CADPS2: variants seen among roughly 807,000 people sequenced by gnomAD.
The protein encoded by CADPS2 is calcium-dependent secretion activator 2.
Under a neutral mutation model 172.5 loss-of-function variants are expected in CADPS2, and 93 were observed. That is an observed-to-expected ratio of 0.54 (90% CI 0.46 to 0.64). CADPS2 has a LOEUF of 0.64. Ranked by LOEUF, CADPS2 falls within the 30% of genes least tolerant of loss-of-function variation. The pLI, the probability that CADPS2 is intolerant of heterozygous loss-of-function variation, is 0.00. For synonymous variants in CADPS2, 546 were observed against 555.2 expected (o/e 0.98, Z 0.23); for missense variants, 1,420 against 1,565.9 (o/e 0.91, Z 1.57).
intron 17 of CADPS2, among the ~76,000 whole-genome samples, chr7:122,421,339 T>C (rs1411008443): frequency 6.6e-6 from 1 of 152,196 alleles, no homozygotes. Flanking sequence ...AATGAGCTGA[T>C]TGTATCTGTA....
chr7:122,587,698 T>C (rs1436652476), intron 6 of CADPS2, among the ~76,000 whole-genome samples: 1 of 152,110 alleles, frequency 6.6e-6, no homozygotes, highest in Admixed American at 6.6e-5. Context: ...AATATATGTG[T>C]GCATGTATCT....
chr7:122,490,086 T>C lies in CADPS2; in HGVS notation c.1847A>G (p.Gln616Arg). 1 of 1,613,116 alleles carries C rather than the reference T, an allele frequency of 6.2e-7. No homozygotes were observed. Among genetic ancestry groups the C allele is most frequent in the Non-Finnish European group, 8.5e-7 (1 of 1,179,338 alleles). ...TATTTTTTAACAAAACTTACAAAGC[T>C]GAGCATCTGCATGGAGAGTTCCTCC... ...PKGGTLHADA[Q>R]LSGKDADRFQ... is the part of the protein sequence containing the mutation. Residue 616 changes from glutamine (Q) to arginine (R), a missense_variant, in exon 11 of 30, where the codon CAG becomes CGG. Coordinates refer to ENST00000449022, the MANE Select transcript of CADPS2 (RefSeq NM_017954.11).
chr7:122,788,404 C>T (rs560156148), intron 1 of CADPS2, among the ~76,000 whole-genome samples: 1 of 152,312 alleles, frequency 6.6e-6, no homozygotes, highest in African/African-American at 2.4e-5. Context: ...TTTCACATCA[C>T]TCTTAACTTT....
intron 8 of CADPS2, among the ~76,000 whole-genome samples, chr7:122,546,503 G>A (rs940044785): frequency 1.3e-5 from 2 of 152,064 alleles, no homozygotes; most frequent in Non-Finnish European, 2.9e-5. Flanking sequence ...CCTATCCTTT[G>A]CTATGTTCCA....
At chr7:122,683,378 G>A (rs2083270315) in intron 2 of CADPS2, among the ~76,000 whole-genome samples, 1 of 152,096 alleles carries the variant, frequency 6.6e-6, no homozygotes, top group Admixed American at 6.5e-5. Flanking sequence ...ACATTTGGGT[G>A]GGAAAACCAA....
chr7:122,661,211 T>C (rs565570253), intron 3 of CADPS2, among the ~76,000 whole-genome samples: 1 of 152,126 alleles, frequency 6.6e-6, no homozygotes, highest in Non-Finnish European at 1.5e-5. Context: ...AGACAAATAC[T>C]GATAGAACTG....
chr7:122,698,271 T>C lies in CADPS2; in HGVS notation c.454-34702A>G, dbSNP rs561997064. Reference sequence around the variant, plus strand: ...GCTGCCATCTCCGGTTCTGAATCCTTGCTAAACAAAGTCTATGAATGTGAT... The same window carrying C: ...GCTGCCATCTCCGGTTCTGAATCCTCGCTAAACAAAGTCTATGAATGTGAT... On this transcript the variant is annotated intron_variant, in intron 2 of 29. Transcript: ENST00000449022. 5 of 1,614,068 alleles carry C rather than the reference T, an allele frequency of 3.1e-6. No individual in the cohort carries two copies. In the East Asian group the frequency reaches 8.9e-5, roughly 29 times the overall value.
At chr7:122,775,551 T>G (rs1178418801) in intron 1 of CADPS2, among the ~76,000 whole-genome samples, 1 of 152,224 alleles carries the variant, frequency 6.6e-6, no homozygotes, top group African/African-American at 2.4e-5. Flanking sequence ...ACATATTTAT[T>G]TGGTACCCTG....
intron 28 of CADPS2, among the ~76,000 whole-genome samples, chr7:122,342,864 A>C (rs950441700): frequency 1.3e-5 from 2 of 152,166 alleles, no homozygotes; most frequent in African/African-American, 4.8e-5. Flanking sequence ...TTTTCTCTTC[A>C]ATCTTTTATC....
chr7:122,717,694 T>C (rs2089810716), intron 2 of CADPS2, among the ~76,000 whole-genome samples: 1 of 152,174 alleles, frequency 6.6e-6, no homozygotes, highest in Admixed American at 6.6e-5. Flanking sequence ...GGGCCTTAAA[T>C]TTATAAATGC....
At chr7:122,444,221 G>C (rs1246303398) in intron 15 of CADPS2, among the ~76,000 whole-genome samples, 1 of 152,046 alleles carries the variant, frequency 6.6e-6, no homozygotes, top group African/African-American at 2.4e-5. Flanking sequence ...CCTTGCTGAT[G>C]GCCATTTGGC....
chr7:122,344,642 G>A (rs2037299027), intron 28 of CADPS2, among the ~76,000 whole-genome samples: 1 of 152,112 alleles, frequency 6.6e-6, no homozygotes, highest in African/African-American at 2.4e-5. Flanking sequence ...CAGCTTATTT[G>A]TTTGTTTAAC....
At chr7:122,522,839 C>T (rs1404922480) in intron 8 of CADPS2, among the ~76,000 whole-genome samples, 1 of 151,874 alleles carries the variant, frequency 6.6e-6, no homozygotes, top group African/African-American at 2.4e-5. Flanking sequence ...TCTTTCTATG[C>T]CTGGCTTATT....
At chr7:122,698,794 A>C in intron 2 of CADPS2, 1 of 1,613,952 alleles carries the variant, frequency 6.2e-7, no homozygotes, top group Middle Eastern at 1.7e-4. Context: ...TGATATGTTC[A>C]TATAAGCCAT....
chr7:122,391,804 T>C (rs1439008568), intron 22 of CADPS2, among the ~76,000 whole-genome samples: 1 of 152,102 alleles, frequency 6.6e-6, no homozygotes, highest in East Asian at 1.9e-4. Context: ...TTGCAGTTGG[T>C]GGTGGGATAG....
intron 25 of CADPS2, among the ~76,000 whole-genome samples, chr7:122,364,338 G>T (rs1483366473): frequency 6.9e-6 from 1 of 145,364 alleles, no homozygotes; most frequent in Admixed American, 7.0e-5. Flanking sequence ...GTGCCCAGGA[G>T]TTCAAGGCTA....
intron 3 of CADPS2, among the ~76,000 whole-genome samples, chr7:122,640,581 A>G (rs1450151761): frequency 6.6e-6 from 1 of 152,060 alleles, no homozygotes; most frequent in African/African-American, 2.4e-5. Flanking sequence ...GGTCTAGGGC[A>G]TTACAATTTA....
chr7:122,723,728 CAT>C lies in CADPS2; in HGVS notation c.453+13225_453+13226del, dbSNP rs529551217. On this transcript the variant is annotated intron_variant, in intron 2 of 29. Coordinates refer to ENST00000449022, the MANE Select transcript of CADPS2 (RefSeq NM_017954.11). Reference sequence around the variant, plus strand: ...ATGCTGCTATAAAGACACATGCACACATATGTTTATTGTGGCACCATTCACAA... The same window carrying C: ...ATGCTGCTATAAAGACACATGCACACATGTTTATTGTGGCACCATTCACAA... Among the ~76,000 whole-genome samples the C allele has an allele frequency of 4.1e-3, 627 of 152,046 alleles. 2 individuals carry two copies. Among genetic ancestry groups the C allele is most frequent in the Non-Finnish European group, 7.1e-3 (484 of 67,944 alleles).
chr7:122,864,685 G>A (rs1817835634), intron 1 of CADPS2, among the ~76,000 whole-genome samples: 1 of 152,100 alleles, frequency 6.6e-6, no homozygotes, highest in Non-Finnish European at 1.5e-5. Context: ...AAGACATAAA[G>A]GGATAAGTAT....
Sources: allele counts gnomAD v4.1 joint callset (sites outside exome capture counted in the v4.1 genomes callset), GRCh38; gene constraint gnomAD v4.1.1; transcripts MANE v1.5; gene names NCBI Gene and HGNC (gene_info 2026-07-23, HGNC 2026-07-21).